The following ROBO2 variants were observed in gnomAD, a reference collection of about 807,000 sequenced individuals.
ROBO2 encodes the protein roundabout homolog 2.
In ROBO2, 53 loss-of-function variants were observed where a neutral mutation model predicts 160.8. The observed-to-expected ratio is 0.33, with a 90% CI of 0.26 to 0.41. The LOEUF (loss-of-function observed/expected upper bound fraction) is 0.41, where lower values mean the gene tolerates loss of function less well. Ranked by LOEUF, ROBO2 falls within the 10% of genes least tolerant of loss-of-function variation. The pLI is 1.00. For synonymous variants in ROBO2, 664 were observed against 611.7 expected (o/e 1.09, Z -1.26); for missense variants, 1,577 against 1,722.4 (o/e 0.92, Z 1.49).
chr3:77,480,620 G>A (rs1424469254), intron 3 of ROBO2, among the ~76,000 whole-genome samples: 2 of 152,074 alleles, frequency 1.3e-5, no homozygotes, highest in African/African-American at 2.4e-5. Context: ...TTCTAGGGAG[G>A]CAAAGATTTT....
At chr3:76,745,804 TTTA>T (rs1312914151) in intron 2 of ROBO2, among the ~76,000 whole-genome samples, 5 of 5,414 alleles carry the variant, frequency 9.2e-4, no homozygotes, top group South Asian at 6.0e-3. Flanking sequence ...TTTATTTTTA[TTTA>T]TTTATTTATT....
chr3:77,309,734 T>C (rs533040474), intron 2 of ROBO2, among the ~76,000 whole-genome samples: 1 of 152,328 alleles, frequency 6.6e-6, no homozygotes, highest in Admixed American at 6.5e-5. Context: ...GACACTGACC[T>C]AGCTGAAATG....
At chr3:77,459,575 A>G (rs900733499) in intron 2 of ROBO2, among the ~76,000 whole-genome samples, 2 of 152,230 alleles carry the variant, frequency 1.3e-5, no homozygotes, top group Non-Finnish European at 2.9e-5. Flanking sequence ...GAATACTTTT[A>G]CACAGTAATA....
At chr3:77,135,726 C>A (rs1449035866) in intron 2 of ROBO2, among the ~76,000 whole-genome samples, 1 of 152,088 alleles carries the variant, frequency 6.6e-6, no homozygotes, top group Non-Finnish European at 1.5e-5. Flanking sequence ...TCTTAATACA[C>A]CAATGTTGAC....
At chr3:76,461,074 A>G (rs74551592) in intron 2 of ROBO2, among the ~76,000 whole-genome samples, 1 of 152,356 alleles carries the variant, frequency 6.6e-6, no homozygotes, top group Non-Finnish European at 1.5e-5. Flanking sequence ...AAGAGGTTTA[A>G]CTGGCTCACA....
At chr3:76,966,955 A>G (rs1260122422) in intron 2 of ROBO2, among the ~76,000 whole-genome samples, 6 of 152,214 alleles carry the variant, frequency 3.9e-5, no homozygotes, top group African/African-American at 1.4e-4. Context: ...ATCAGCCAAC[A>G]TTCTTTAATA....
At chr3:76,053,750 A>G (rs1375688814) in intron 2 of ROBO2, among the ~76,000 whole-genome samples, 3 of 152,046 alleles carry the variant, frequency 2.0e-5, no homozygotes, top group African/African-American at 7.2e-5. Context: ...TATTTTGGAG[A>G]CTGACTTCAT....
chr3:75,956,609 A>G (rs1576292630), intron 2 of ROBO2, among the ~76,000 whole-genome samples: 1 of 151,772 alleles, frequency 6.6e-6, no homozygotes, highest in Non-Finnish European at 1.5e-5. Flanking sequence ...TGAGCCTGGA[A>G]ATATCAATCA....
chr3:76,375,079 A>G (rs1214957491), intron 2 of ROBO2, among the ~76,000 whole-genome samples: 1 of 151,960 alleles, frequency 6.6e-6, no homozygotes, highest in African/African-American at 2.4e-5. Context: ...TGTCATTAAA[A>G]TAAACATTAA....
chr3:77,086,892 G>C (rs1429912876), intron 1 of ROBO2, among the ~76,000 whole-genome samples: 1 of 152,070 alleles, frequency 6.6e-6, no homozygotes, highest in Non-Finnish European at 1.5e-5. Flanking sequence ...ATTTCAGGTA[G>C]GATCATTGAA....
In ROBO2 at chr3:77,541,261, A is replaced by G. The variant is rs563639898; in HGVS notation, c.935-5077A>G. ...TTTTCCTGTTAAAACAACTCTGAAC[A>G]TGATGTGATTAACCTTTAGAGTCCC... On this transcript the variant is annotated intron_variant, in intron 6 of 25. Coordinates refer to ENST00000461745, the Ensembl canonical transcript of ROBO2. 5.3e-5 allele frequency among the ~76,000 whole-genome samples: 8 copies of G among 152,300 alleles called. No homozygotes were observed. The South Asian group carries it at 1.7e-3, about 32-fold the overall frequency.
At chr3:76,359,479 T>C (rs1478225504) in intron 2 of ROBO2, among the ~76,000 whole-genome samples, 3 of 152,052 alleles carry the variant, frequency 2.0e-5, no homozygotes, top group Non-Finnish European at 4.4e-5. Flanking sequence ...GGCTTTTTAG[T>C]TTAAAATGAA....
intron 2 of ROBO2, among the ~76,000 whole-genome samples, chr3:76,680,808 C>T (rs2092541544): frequency 6.6e-6 from 1 of 152,060 alleles, no homozygotes; most frequent in African/African-American, 2.4e-5. Flanking sequence ...CAGGGTCTCA[C>T]TCTTGTCGCC....
At chr3:76,805,487 C>T (rs1041728895) in intron 2 of ROBO2, among the ~76,000 whole-genome samples, 1 of 151,190 alleles carries the variant, frequency 6.6e-6, no homozygotes, top group Non-Finnish European at 1.5e-5. Flanking sequence ...TATATGTTCC[C>T]CCCATATATA....
At chr3:77,334,909 T>C (rs2066336284) in intron 2 of ROBO2, among the ~76,000 whole-genome samples, 5 of 152,184 alleles carry the variant, frequency 3.3e-5, no homozygotes, top group South Asian at 2.1e-4. Flanking sequence ...TGTAAGGTTA[T>C]CTATATTATT....
chr3:76,368,068 T>C (rs2075918116), intron 2 of ROBO2, among the ~76,000 whole-genome samples: 1 of 151,992 alleles, frequency 6.6e-6, no homozygotes, highest in Non-Finnish European at 1.5e-5. Flanking sequence ...ATATTACTAT[T>C]GAATGAAACA....
At chr3:76,574,705 A>C (rs952117665) in intron 2 of ROBO2, among the ~76,000 whole-genome samples, 2 of 152,058 alleles carry the variant, frequency 1.3e-5, no homozygotes, top group African/African-American at 4.8e-5. Flanking sequence ...TGAACTAAAT[A>C]CATCTGTGAA....
chr3:77,413,494 G>A (rs780173265), intron 2 of ROBO2, among the ~76,000 whole-genome samples: 29 of 152,044 alleles, frequency 1.9e-4, no homozygotes, highest in East Asian at 7.7e-4. Context: ...AAAGGTTTGC[G>A]TTTTGTTTTG....
chr3:76,603,344 AAAAAAAAATATATATAT>A lies in ROBO2; in HGVS notation c.110-494668_110-494652del, dbSNP rs1237452580. On this transcript the variant is annotated intron_variant, in intron 2 of 26. Transcript: ENST00000487694. ...GAGACTCCATCTCCAAAAAAAAAAA[AAAAAAAAATATATATAT>A]ATATATATATATATATATATATATA... Among the ~76,000 whole-genome samples, 608 of 64,596 alleles carry A rather than the reference AAAAAAAAATATATATAT, an allele frequency of 9.4e-3. 6 individuals carry two copies. The highest frequency in any genetic ancestry group is 0.039 in the South Asian group (67 of 1,736). The allele number at this position is 64,596 out of a possible 152,430, so 42.4% of individuals were successfully genotyped here.
Sources: allele counts gnomAD v4.1 joint callset (sites outside exome capture counted in the v4.1 genomes callset), GRCh38; gene constraint gnomAD v4.1.1; transcripts MANE v1.5; gene names NCBI Gene and HGNC (gene_info 2026-07-23, HGNC 2026-07-21).